FGGY: variants seen among roughly 807,000 people sequenced by gnomAD.
FGGY encodes the protein FGGY carbohydrate kinase domain-containing protein.
FGGY carries 72 observed loss-of-function variants against 71.3 expected under a neutral mutation model. The observed-to-expected ratio is 1.01, with a 90% CI of 0.84 to 1.23. The LOEUF (loss-of-function observed/expected upper bound fraction) is 1.23. Ranked by LOEUF, FGGY falls within the 50% of genes most tolerant of loss-of-function variation. The pLI is 0.00. For synonymous variants in FGGY, 251 were observed against 250.3 expected, an observed-to-expected ratio of 1.00 and a Z score of -0.02; for missense variants, 668 against 682.3, an observed-to-expected ratio of 0.98 and a Z score of 0.23.
chr1:59,687,250 C>G (rs1029877641), intron 14 of FGGY, among the ~76,000 whole-genome samples: 10 of 152,114 alleles, frequency 6.6e-5, no homozygotes, highest in Non-Finnish European at 1.0e-4. Context: ...CTGTCTGATT[C>G]CAGCTCCCAG....
intron 14 of FGGY, among the ~76,000 whole-genome samples, chr1:59,724,652 C>T (rs1033383686): frequency 2.0e-5 from 3 of 151,950 alleles, no homozygotes; most frequent in African/African-American, 4.8e-5. Flanking sequence ...TGGCATTGTT[C>T]GTTTTTTTAT....
chr1:59,361,171 C>T (rs2055425943), intron 4 of FGGY, among the ~76,000 whole-genome samples: 1 of 152,086 alleles, frequency 6.6e-6, no homozygotes, highest in Non-Finnish European at 1.5e-5. Flanking sequence ...CAAGTTCCTG[C>T]CGGAGTTGTT....
At chr1:59,380,495 G>C (rs949838658) in intron 5 of FGGY, among the ~76,000 whole-genome samples, 1 of 151,534 alleles carries the variant, frequency 6.6e-6, no homozygotes, top group Non-Finnish European at 1.5e-5. Context: ...ATCCTAACTG[G>C]TGTGAGATGA....
At chr1:59,305,630 G>A (rs1461419083) in intron 1 of FGGY, among the ~76,000 whole-genome samples, 1 of 152,092 alleles carries the variant, frequency 6.6e-6, no homozygotes. Flanking sequence ...AGTTCAAGAA[G>A]AATTTTATTA....
chr1:59,590,491 A>G (rs1571778384), intron 8 of FGGY, among the ~76,000 whole-genome samples: 1 of 152,334 alleles, frequency 6.6e-6, no homozygotes, highest in African/African-American at 2.4e-5. Flanking sequence ...ACCAAAAAAG[A>G]GAATTTTAGA....
chr1:59,424,160 T>C (rs916709928), intron 5 of FGGY, among the ~76,000 whole-genome samples: 1 of 152,256 alleles, frequency 6.6e-6, no homozygotes, highest in Admixed American at 6.5e-5. Context: ...CTTGTGTGTC[T>C]TCAGTACCAT....
At chr1:59,614,289 G>C (rs1019986439) in intron 9 of FGGY, among the ~76,000 whole-genome samples, 6 of 152,130 alleles carry the variant, frequency 3.9e-5, no homozygotes, top group Non-Finnish European at 7.3e-5. Flanking sequence ...ACATCAAAAA[G>C]CTTATCCACC....
chr1:59,580,032 C>G (rs2096160700), intron 8 of FGGY, among the ~76,000 whole-genome samples: 1 of 152,134 alleles, frequency 6.6e-6, no homozygotes, highest in African/African-American at 2.4e-5. Flanking sequence ...ACCTGCATCA[C>G]TCTTAACTGC....
intron 14 of FGGY, among the ~76,000 whole-genome samples, chr1:59,752,437 C>T (rs1225466920): frequency 6.6e-6 from 1 of 152,136 alleles, no homozygotes; most frequent in Non-Finnish European, 1.5e-5. Context: ...CTTGCAGTGC[C>T]CTGTAGTACC....
intron 7 of FGGY, among the ~76,000 whole-genome samples, chr1:59,519,916 G>A (rs865821194): frequency 6.6e-6 from 1 of 152,226 alleles, no homozygotes; most frequent in Non-Finnish European, 1.5e-5. Flanking sequence ...TTCTCAACCA[G>A]GGGTGATTTG....
At chr1:59,348,707 G>C (rs1429746608) in intron 4 of FGGY, among the ~76,000 whole-genome samples, 3 of 152,194 alleles carry the variant, frequency 2.0e-5, no homozygotes, top group Non-Finnish European at 4.4e-5. Context: ...CCATCACGGG[G>C]CAGGAGAGTG....
intron 4 of FGGY, among the ~76,000 whole-genome samples, chr1:59,374,009 T>C (rs1337146630): frequency 2.0e-5 from 3 of 152,124 alleles, no homozygotes; most frequent in Admixed American, 2.0e-4. Context: ...ACTTCATGTC[T>C]AAAACACCAA....
chr1:59,583,822 A>G (rs764465029), intron 8 of FGGY, among the ~76,000 whole-genome samples: 1 of 142,390 alleles, frequency 7.0e-6, no homozygotes, highest in Non-Finnish European at 1.5e-5. Flanking sequence ...TGAGAGGTCC[A>G]AATTCAACTG....
intron 9 of FGGY, 38 bp from the exon 10 acceptor site, chr1:59,625,950 A>G: frequency 6.6e-7 from 1 of 1,511,654 alleles, no homozygotes; most frequent in Non-Finnish European, 9.0e-7. Context: ...CATAAATTAA[A>G]GAAGCTATAA....
intron 7 of FGGY, among the ~76,000 whole-genome samples, chr1:59,519,390 G>A (rs1309132633): frequency 6.6e-6 from 1 of 152,148 alleles, no homozygotes; most frequent in African/African-American, 2.4e-5. Context: ...AAATAGACAA[G>A]TAAATAAACA....
chr1:59,464,084 A>G (rs1460017077), intron 6 of FGGY, among the ~76,000 whole-genome samples: 2 of 152,246 alleles, frequency 1.3e-5, no homozygotes, highest in African/African-American at 4.8e-5. Flanking sequence ...ACCACATTGC[A>G]CTTATTCCAA....
intron 14 of FGGY, among the ~76,000 whole-genome samples, chr1:59,724,544 C>G (rs1238103518): frequency 6.6e-6 from 1 of 151,732 alleles, no homozygotes; most frequent in African/African-American, 2.4e-5. Context: ...TTTTTCCCAA[C>G]TCCTTGACGA....
chr1:59,410,394 G>C (rs562789184), intron 5 of FGGY, among the ~76,000 whole-genome samples: 72 of 152,148 alleles, frequency 4.7e-4, no homozygotes, highest in Non-Finnish European at 9.1e-4. Flanking sequence ...CAGAAAGGTT[G>C]AGTCACTTGC....
In FGGY at chr1:59,456,817, C is replaced by T. The variant is rs945775774; in HGVS notation, c.555-144C>T. The T allele has an allele frequency of 8.8e-6, 5 of 565,920 alleles. No homozygotes were observed. The African/African-American group carries it at 9.5e-5, about 11-fold the overall frequency. The allele number at this position is 565,920 out of a possible 1,614,324, so 35.1% of individuals were successfully genotyped here. A position where few individuals can be genotyped will look rare whatever the true frequency, so the allele number is the denominator to read the frequency against. Reference sequence around the variant, plus strand: ...AACAGGTATCCATGGAGACTTTTTACCTAAGCAGGGATGTGTCATTATCTA... The same window carrying T: ...AACAGGTATCCATGGAGACTTTTTATCTAAGCAGGGATGTGTCATTATCTA... On this transcript the variant is annotated intron_variant, in intron 5 of 15. Transcript: ENST00000303721.
Sources: gnomAD v4.1 joint callset for allele counts (sites outside exome capture counted in the v4.1 genomes callset) on GRCh38, gnomAD v4.1.1 for gene constraint, MANE v1.5 for transcripts, NCBI Gene and HGNC (gene_info 2026-07-23, HGNC 2026-07-21) for gene names.